MTMR10: variants seen among roughly 807,000 people sequenced by gnomAD.
MTMR10 encodes the protein myotubularin related protein 10.
MTMR10 carries 56 observed loss-of-function variants against 88.1 expected under a neutral mutation model. The ratio of observed to expected loss-of-function variants is 0.64; its 90% confidence interval spans 0.51 to 0.79. The LOEUF is 0.79. Among genes scored for constraint, MTMR10 ranks in the 30% least tolerant of loss-of-function variants. The pLI is 0.00. For synonymous variants in MTMR10, 380 were observed against 340.9 expected (o/e 1.11, Z -1.26); for missense variants, 883 against 924.7 (o/e 0.95, Z 0.58).
At chr15:30,933,771 GT>G in the MTMR10 span, among the ~76,000 whole-genome samples, 3 of 141,702 alleles carry the variant, frequency 2.1e-5, no homozygotes, top group African/African-American at 8.1e-5. Context: ...TTTTGTTTTT[GT>G]TTTTTGAGAC....
chr15:30,941,891 G>T lies in MTMR10; in HGVS notation c.1913C>A (p.Pro638His). 1 of 1,614,002 alleles carries T rather than the reference G, an allele frequency of 6.2e-7. No individual in the cohort carries two copies. Reference protein sequence around the residue: ...EQYFREWFSKPANLHGVILPR... With the variant: ...EQYFREWFSKHANLHGVILPR... ...CAGAATAACACCGTGCAGGTTGGCGGGTTTGGAAAACCATTCTCTAAAATA... is the reference window on the plus strand; with the variant it reads ...CAGAATAACACCGTGCAGGTTGGCGTGTTTGGAAAACCATTCTCTAAAATA... Residue 638 changes from proline to histidine, a missense_variant, in exon 16 of 16, where the codon CCC becomes CAC. Pro to His is a moderately conservative substitution (Grantham distance 77). Coordinates refer to ENST00000435680, the MANE Select transcript of MTMR10 (RefSeq NM_017762.3).
intron 6 of MTMR10, among the ~76,000 whole-genome samples, chr15:30,965,545 T>C (rs1409868011): frequency 6.6e-6 from 1 of 152,244 alleles, no homozygotes; most frequent in Non-Finnish European, 1.5e-5. Context: ...ATAATCTGAC[T>C]GATGAAAACA....
the MTMR10 span, chr15:30,929,538 A>G: frequency 4.8e-6 from 1 of 208,718 alleles, no homozygotes; most frequent in Admixed American, 7.3e-5. Context: ...TATATAGTAT[A>G]TATCATATAT....
chr15:30,927,533 G>T, the MTMR10 span: 1 of 985,800 alleles, frequency 1.0e-6, no homozygotes, highest in Admixed American at 6.1e-5. Flanking sequence ...ATGACGGGCT[G>T]TGGCTTCCTG....
chr15:30,976,560 C>G (rs2030166043), intron 3 of MTMR10, among the ~76,000 whole-genome samples: 1 of 152,088 alleles, frequency 6.6e-6, no homozygotes, highest in African/African-American at 2.4e-5. Flanking sequence ...GAATAACTTC[C>G]TTAATGAAAA....
chr15:30,929,488 G>A, the MTMR10 span: 10 of 859,770 alleles, frequency 1.2e-5, no homozygotes, highest in African/African-American at 3.6e-5. Flanking sequence ...ATACACATGT[G>A]TGTATATGTA....
chr15:30,983,631 G>A (rs2030740103), intron 2 of MTMR10, among the ~76,000 whole-genome samples: 1 of 152,128 alleles, frequency 6.6e-6, no homozygotes. Context: ...GATGTGTAGA[G>A]GCCAAAAGCA....
At chr15:30,943,376 A>AAGTC in intron 14 of MTMR10, 1 of 984,768 alleles carries the variant, frequency 1.0e-6, no homozygotes, top group Non-Finnish European at 1.2e-6. Flanking sequence ...TGATACTAGA[A>AAGTC]AGTCTTAAAC....
the MTMR10 span, among the ~76,000 whole-genome samples, chr15:30,919,322 G>A: frequency 6.1e-5 from 9 of 148,626 alleles, no homozygotes; most frequent in Non-Finnish European, 1.3e-4. Context: ...GGAGGTTGTG[G>A]TGAGCTGAGA....
At chr15:30,925,757 G>C in the MTMR10 span, 3 of 1,612,596 alleles carry the variant, frequency 1.9e-6, no homozygotes, top group Non-Finnish European at 2.5e-6. Flanking sequence ...GCTGACCTGA[G>C]GCTAATAGAT....
chr15:30,929,790 A>G, the MTMR10 span, among the ~76,000 whole-genome samples: 1 of 49,558 alleles, frequency 2.0e-5, no homozygotes, highest in African/African-American at 9.7e-5. Context: ...TATATCATAT[A>G]TAATATAATA....
At chr15:30,985,388 T>C (rs1011028477) in intron 2 of MTMR10, among the ~76,000 whole-genome samples, 3 of 152,176 alleles carry the variant, frequency 2.0e-5, no homozygotes, top group African/African-American at 7.2e-5. Context: ...TAGGCTGACA[T>C]CCAATCTACT....
chr15:30,968,500 G>A (rs2063497919), intron 5 of MTMR10, among the ~76,000 whole-genome samples: 2 of 150,028 alleles, frequency 1.3e-5, no homozygotes, highest in African/African-American at 5.0e-5. Flanking sequence ...CTCCAAAAAT[G>A]CATGGGTGGC....
chr15:30,951,880 T>G (rs2955790), intron 12 of MTMR10, 88 bp downstream of exon 12: 519,496 of 1,109,908 alleles, frequency 0.47, 126,935 homozygotes, highest in East Asian at 0.86. Context: ...TAGCTAAAAC[T>G]GATGTGATTT....
chr15:30,919,879 A>G, the MTMR10 span, among the ~76,000 whole-genome samples: 1 of 152,292 alleles, frequency 6.6e-6, no homozygotes, highest in East Asian at 1.9e-4. Context: ...AAATCCACAT[A>G]TAAGTGGACG....
chr15:30,928,351 A>C, the MTMR10 span: 3 of 1,319,118 alleles, frequency 2.3e-6, no homozygotes, highest in East Asian at 6.0e-5. Context: ...TTTGCCCTTA[A>C]GGCTCTGTAT....
At chr15:30,990,137 A>G (rs1342077606) in intron 2 of MTMR10, among the ~76,000 whole-genome samples, 1 of 152,026 alleles carries the variant, frequency 6.6e-6, no homozygotes, top group Non-Finnish European at 1.5e-5. Context: ...GAGGTAGGGG[A>G]CAAAAAAAAA....
At chr15:30,960,708 G>A (rs190930147) in intron 7 of MTMR10, among the ~76,000 whole-genome samples, 173 bp downstream of exon 7, 73 of 152,212 alleles carry the variant, frequency 4.8e-4, no homozygotes, top group Non-Finnish European at 7.4e-4. Flanking sequence ...AAGGGATACC[G>A]TAATTTATAT....
chr15:30,940,906 C>G lies in MTMR10; in HGVS notation c.*564G>C. 9.7e-7 allele frequency: 1 copy of G among 1,029,458 alleles called. No individual in the cohort carries two copies. The highest frequency in any genetic ancestry group is 1.2e-6 in the Non-Finnish European group (1 of 856,010). The allele number at this position is 1,029,458 out of a possible 1,614,324, so 63.8% of individuals were successfully genotyped here. On this transcript the variant is annotated 3_prime_UTR_variant, in exon 16 of 16. Coordinates refer to ENST00000435680, the MANE Select transcript of MTMR10 (RefSeq NM_017762.3). The stretch of plus-strand genomic sequence containing the variant: ...AAAGTTGACCCTATGAAGTTAAAAG[C>G]AAACTCATGATTTCAAAACACAGTG...
Sources: gnomAD v4.1 joint callset for allele counts (sites outside exome capture counted in the v4.1 genomes callset) on GRCh38, gnomAD v4.1.1 for gene constraint, MANE v1.5 for transcripts, NCBI Gene and HGNC (gene_info 2026-07-23, HGNC 2026-07-21) for gene names.